Variants in IL31RA observed in about 807,000 individuals in gnomAD.
The protein encoded by IL31RA is interleukin-31 receptor subunit alpha.
In IL31RA, 66 loss-of-function variants were observed where a neutral mutation model predicts 83.7. The ratio of observed to expected loss-of-function variants is 0.79; its 90% CI spans 0.65 to 0.97. The LOEUF (loss-of-function observed/expected upper bound fraction) is 0.97. Ranked by LOEUF, IL31RA falls within the 50% of genes least tolerant of loss-of-function variation. The pLI is 0.00. For missense variants in IL31RA, 798 were observed against 919.4 expected (o/e 0.87, Z 1.71); for synonymous variants, 325 against 329.0 (o/e 0.99, Z 0.13).
chr5:55,908,708 T>G (rs1047213681), intron 11 of IL31RA: 22 of 1,458,988 alleles, frequency 1.5e-5, no homozygotes, highest in Admixed American at 1.3e-4. Context: ...TCCCCGACCA[T>G]CATTCCCAGG....
In IL31RA at chr5:55,867,320, T is replaced by C. The variant is rs571581894; in HGVS notation, c.155-1471T>C. On this transcript the variant is annotated intron_variant, in intron 2 of 14. Coordinates refer to ENST00000652347, the MANE Select transcript of IL31RA (RefSeq NM_139017.7). The stretch of plus-strand genomic sequence containing the variant: ...GTGTGTGTGCGTGTGTGTGTGTGCG[T>C]GTGTGTGTGTGTGTGTATGTTTAGG... Among the ~76,000 whole-genome samples the C allele has an allele frequency of 3.8e-3, 559 of 146,218 alleles. 9 individuals carry two copies. Among genetic ancestry groups the C allele is most frequent in the African/African-American group, 0.013 (511 of 38,734 alleles).
chr5:55,861,299 A>T (rs2112311780), intron 2 of IL31RA, among the ~76,000 whole-genome samples: 1 of 151,652 alleles, frequency 6.6e-6, no homozygotes, highest in South Asian at 2.1e-4. Context: ...GGGGTCCCCA[A>T]CCCCCAGGCT....
chr5:55,901,279 A>G (rs1394522043), intron 8 of IL31RA, among the ~76,000 whole-genome samples: 1 of 152,188 alleles, frequency 6.6e-6, no homozygotes, highest in Non-Finnish European at 1.5e-5. Context: ...TCATTGGGGC[A>G]CACATTCTTT....
In IL31RA at chr5:55,867,099, TTG is replaced by T. The variant is rs1235642887; in HGVS notation, c.155-1681_155-1680del. ...TGCATGTGTGTTTGTGTGTGTGTGT[TTG>T]TGTGTGTGTGCATGTGTGTGTTTGT... On this transcript the variant is annotated intron_variant, in intron 2 of 14. Coordinates refer to ENST00000652347, the MANE Select transcript of IL31RA (RefSeq NM_139017.7). Among the ~76,000 whole-genome samples, 28 of 28,436 alleles carry T rather than the reference TTG, an allele frequency of 9.8e-4. 7 individuals carry two copies. Among genetic ancestry groups the T allele is most frequent in the African/African-American group, 1.8e-3 (23 of 12,568 alleles). 18.7% of individuals were successfully genotyped at this position (28,436 alleles called of 152,430 possible).
intron 11 of IL31RA, among the ~76,000 whole-genome samples, chr5:55,910,301 C>T (rs150708055): frequency 1.3e-5 from 2 of 152,188 alleles, no homozygotes; most frequent in Non-Finnish European, 2.9e-5. Flanking sequence ...TTGTGAAATT[C>T]AAGGTTGTGA....
At chr5:55,916,161 G>T (rs138566581) in intron 14 of IL31RA, among the ~76,000 whole-genome samples, 16 of 152,266 alleles carry the variant, frequency 1.1e-4, no homozygotes, top group African/African-American at 3.8e-4. Context: ...AGGGGGGATT[G>T]CTTGAGCTCA....
intron 1 of IL31RA, among the ~76,000 whole-genome samples, chr5:55,857,039 C>G (rs1745402584): frequency 6.6e-6 from 1 of 152,154 alleles, no homozygotes; most frequent in South Asian, 2.1e-4. Flanking sequence ...ACCAGGATCA[C>G]CTTGAACTCT....
In IL31RA at chr5:55,894,969, G is replaced by A. The variant is rs551044051; in HGVS notation, c.773-1381G>A. Among the ~76,000 whole-genome samples the A allele has an allele frequency of 5.1e-3, 778 of 152,148 alleles. 8 individuals are homozygous for A. The highest frequency in any genetic ancestry group is 0.017 in the African/African-American group (706 of 41,502). On this transcript the variant is annotated intron_variant, in intron 6 of 14. Transcript: ENST00000652347. ...TGACCTCAAGTGATCCACCTGCCTC[G>A]GCCTCCCAAAGTGCTGGGATTACAG... is the stretch of plus-strand genomic sequence containing the variant.
chr5:55,913,898 T>A (rs1000277033), intron 13 of IL31RA, among the ~76,000 whole-genome samples: 1 of 152,184 alleles, frequency 6.6e-6, no homozygotes, highest in Non-Finnish European at 1.5e-5. Flanking sequence ...TCTCTCAGTG[T>A]CTAGCAGGGC....
In IL31RA at chr5:55,916,618, T is replaced by A. The variant is rs16884641; in HGVS notation, c.1819-26T>A. On this transcript the variant is annotated intron_variant, in intron 14 of 14. Transcript: ENST00000652347. ...TCATATGTGACTCCTAAATGACCAC[T>A]TGGGATGTCCCTTTTTCTTTTCCAG... 9,141 of 1,603,294 alleles carry A rather than the reference T, an allele frequency of 5.7e-3. 36 individuals are homozygous for A. The highest frequency in any genetic ancestry group is 7.0e-3 in the Non-Finnish European group (8,242 of 1,170,300).
At chr5:55,882,420 A>C (rs1747296351) in intron 4 of IL31RA, among the ~76,000 whole-genome samples, 1 of 152,242 alleles carries the variant, frequency 6.6e-6, no homozygotes, top group African/African-American at 2.4e-5. Context: ...TTAGAAGATA[A>C]TGCAAATAAT....
intron 2 of IL31RA, among the ~76,000 whole-genome samples, chr5:55,864,290 G>GACACAC (rs35236053): frequency 1.4e-3 from 201 of 144,480 alleles, no homozygotes; most frequent in Middle Eastern, 3.6e-3. Flanking sequence ...TATACACACA[G>GACACAC]ACACACACAC....
chr5:55,896,500 C>CCCTCCCTTCCCTCCCTTT lies in IL31RA; in HGVS notation c.852+81_852+82insCTCCCTTTCCTCCCTTCC, dbSNP rs1561107371. The CCCTCCCTTCCCTCCCTTT allele has an allele frequency of 3.3e-6, 3 of 918,376 alleles. No individual in the cohort carries two copies. In the African/African-American group the frequency reaches 5.7e-5, roughly 17 times the overall value. The allele number at this position is 918,376 out of a possible 1,614,324, so 56.9% of individuals were successfully genotyped here. Reference sequence around the variant, plus strand: ...CTCCTTTCCCTCCCTTCCCTCCCTTCCCTCCCTTCCATCCCTTCCATCCTC... The same window carrying CCCTCCCTTCCCTCCCTTT: ...CTCCTTTCCCTCCCTTCCCTCCCTTCCCTCCCTTCCCTCCCTTTCCTCCCTTCCATCCCTTCCATCCTC... On this transcript the variant is annotated intron_variant, in intron 7 of 14. Coordinates refer to ENST00000652347, the MANE Select transcript of IL31RA (RefSeq NM_139017.7).
intron 2 of IL31RA, among the ~76,000 whole-genome samples, chr5:55,867,166 T>C (rs1447229893): frequency 1.6e-4 from 12 of 75,192 alleles, no homozygotes; most frequent in African/African-American, 1.0e-4. Flanking sequence ...TTTGTGTGTG[T>C]GCATGTGTGT....
At chr5:55,857,393 C>A (rs1276637664) in intron 1 of IL31RA, among the ~76,000 whole-genome samples, 1 of 152,126 alleles carries the variant, frequency 6.6e-6, no homozygotes, top group Non-Finnish European at 1.5e-5. Context: ...TGAGCCACTG[C>A]GCCCAGCCTT....
chr5:55,916,746 G>C lies in IL31RA; in HGVS notation c.1921G>C (p.Val641Leu). Residue 641 changes from valine to leucine, a missense_variant, in exon 15 of 15, where the codon GTG becomes CTG. Val to Leu is a conservative substitution (Grantham distance 32). Transcript: ENST00000652347. ...PSDKLVIDKL[V>L]VNFGNVLQEI... The stretch of plus-strand genomic sequence containing the variant: ...TGACAAGTTGGTGATTGACAAGTTG[G>C]TGGTGAACTTTGGGAATGTTCTGCA... 6.2e-7 allele frequency: 1 copy of C among 1,614,218 alleles called. No homozygotes were observed. The highest frequency in any genetic ancestry group is 8.5e-7 in the Non-Finnish European group (1 of 1,180,032).
chr5:55,862,870 G>C (rs754886842), intron 2 of IL31RA, among the ~76,000 whole-genome samples: 9 of 152,170 alleles, frequency 5.9e-5, no homozygotes, highest in Non-Finnish European at 1.3e-4. Context: ...CTGGGTTTAG[G>C]GGGAAAAAGG....
intron 5 of IL31RA, 46 bp downstream of exon 5, chr5:55,883,241 A>G (rs946074348): frequency 3.4e-6 from 5 of 1,488,126 alleles, no homozygotes; most frequent in Non-Finnish European, 4.7e-6. Flanking sequence ...GGCCCAGAGG[A>G]AAAGAATCAT....
intron 3 of IL31RA, 70 bp downstream of exon 3, chr5:55,868,978 T>C: frequency 1.1e-6 from 1 of 892,838 alleles, no homozygotes; most frequent in Non-Finnish European, 1.9e-6. Flanking sequence ...TCATTCATGA[T>C]TCACATCCCA....
Sources: allele counts gnomAD v4.1 joint callset (sites outside exome capture counted in the v4.1 genomes callset), GRCh38; gene constraint gnomAD v4.1.1; transcripts MANE v1.5; gene names NCBI Gene and HGNC (gene_info 2026-07-23, HGNC 2026-07-21).